Variants in TMPRSS15 observed in about 807,000 individuals in gnomAD.
TMPRSS15 encodes transmembrane serine protease 15, also known as enteropeptidase.
A neutral mutation model predicts 125.3 loss-of-function variants in TMPRSS15; 128 were observed. The observed-to-expected ratio is 1.02, with a 90% CI of 0.89 to 1.18. The LOEUF (loss-of-function observed/expected upper bound fraction) is 1.18. Ranked by LOEUF, TMPRSS15 falls within the 50% of genes most tolerant of loss-of-function variation. The pLI, the probability that TMPRSS15 is intolerant of heterozygous loss-of-function variation, is 0.00. For synonymous variants in TMPRSS15, 446 were observed against 423.2 expected (o/e 1.05, Z -0.66); for missense variants, 1,283 against 1,212.7 (o/e 1.06, Z -0.86).
intron 3 of TMPRSS15, among the ~76,000 whole-genome samples, chr21:18,393,460 G>C (rs554218996): frequency 6.6e-6 from 1 of 152,228 alleles, no homozygotes; most frequent in South Asian, 2.1e-4. Context: ...CATTACATGA[G>C]AAAATTAAAT....
chr21:18,281,215 GT>G lies in TMPRSS15; in HGVS notation c.2492del (p.Asn831ThrfsTer2). 1.9e-6 allele frequency: 3 copies of G among 1,613,874 alleles called. No individual in the cohort carries two copies. In the South Asian group the frequency reaches 3.3e-5, roughly 18 times the overall value. On this transcript the variant is annotated frameshift_variant, in exon 22 of 25. Coordinates refer to ENST00000284885, the MANE Select transcript of TMPRSS15 (RefSeq NM_002772.3). LOFTEE classifies it high-confidence loss of function. ...VSAAHCVYGR[N>X]LEPSKWTAIL... is the part of the protein sequence containing the mutation. ...TTGCTGTCCACTTGGATGGCTCTAA[GT>G]TTCTCCTGAAAATTGTAATGAAGAA...
chr21:18,380,172 C>CAA (rs906244838), intron 4 of TMPRSS15, among the ~76,000 whole-genome samples: 10 of 146,642 alleles, frequency 6.8e-5, no homozygotes, highest in Admixed American at 2.1e-4. Context: ...AGATGTCACA[C>CAA]ACACACACAC....
intron 18 of TMPRSS15, among the ~76,000 whole-genome samples, chr21:18,309,286 C>A (rs1266729818): frequency 6.6e-6 from 1 of 152,070 alleles, no homozygotes; most frequent in Non-Finnish European, 1.5e-5. Context: ...AAACGTAAGA[C>A]CTAAAACCAC....
At chr21:18,451,094 C>T (rs866839271) in intron 1 of TMPRSS15, among the ~76,000 whole-genome samples, 4 of 152,042 alleles carry the variant, frequency 2.6e-5, no homozygotes, top group Admixed American at 6.6e-5. Flanking sequence ...TACACTGAAT[C>T]CTCCTTTTTT....
chr21:18,447,439 CAAAAAA>C lies in TMPRSS15; in HGVS notation c.10+38354_10+38359del, dbSNP rs57558994. 9.8e-3 allele frequency among the ~76,000 whole-genome samples: 861 copies of C among 88,118 alleles called. 7 individuals are homozygous for C. The highest frequency in any genetic ancestry group is 0.012 in the Non-Finnish European group (590 of 47,728). The allele number at this position is 88,118 out of a possible 152,430, so 57.8% of individuals were successfully genotyped here. A position where few individuals can be genotyped will look rare whatever the true frequency, so the allele number is the denominator to read the frequency against. On this transcript the variant is annotated intron_variant, in intron 1 of 7. Transcript: ENST00000422787. ...TGGGCGACAGAGTAAGACTTCAACTCAAAAAAAAAAAAAAAAAAAGACATACAAATG... is the reference window on the plus strand; with the variant it reads ...TGGGCGACAGAGTAAGACTTCAACTCAAAAAAAAAAAAAGACATACAAATG...
At position 18,449,877 on chromosome 21, in the gene TMPRSS15, G is replaced by GCACA. The variant is rs3082204; in HGVS notation, c.10+35918_10+35921dup. Among the ~76,000 whole-genome samples, 989 of 147,608 alleles carry GCACA rather than the reference G, an allele frequency of 6.7e-3. 5 individuals carry two copies. Among genetic ancestry groups the GCACA allele is most frequent in the Non-Finnish European group, 9.1e-3 (608 of 66,526 alleles). On this transcript the variant is annotated intron_variant, in intron 1 of 7. Coordinates refer to the TMPRSS15 transcript ENST00000422787. ...CCCTCAAACACACACACACACACAC[G>GCACA]CACACACACACACACACACACACCT...
At chr21:18,405,962 C>G (rs1601451245), upstream of TMPRSS15, among the ~76,000 whole-genome samples, 2 of 152,192 alleles carry the variant, frequency 1.3e-5, no homozygotes, top group Middle Eastern at 6.8e-3. Context: ...CCCTAAGCCA[C>G]AGACTTGTGT....
chr21:18,409,293 G>A (rs1375048845), intron 1 of TMPRSS15, among the ~76,000 whole-genome samples: 1 of 152,098 alleles, frequency 6.6e-6, no homozygotes, highest in East Asian at 1.9e-4. Context: ...TCAAAAGAGA[G>A]TAAATTGGCA....
intron 1 of TMPRSS15, among the ~76,000 whole-genome samples, chr21:18,463,930 T>G (rs961497565): frequency 6.6e-6 from 1 of 151,976 alleles, no homozygotes; most frequent in African/African-American, 2.4e-5. Context: ...ATCCCAGCAC[T>G]TGGGGAAGCC....
intron 6 of TMPRSS15, among the ~76,000 whole-genome samples, chr21:18,371,035 C>T (rs1185385133): frequency 1.3e-5 from 2 of 151,996 alleles, no homozygotes; most frequent in African/African-American, 4.8e-5. Flanking sequence ...TTAAATAAAA[C>T]AAAATATCAG....
chr21:18,349,702 C>T (rs2075544465), intron 10 of TMPRSS15, among the ~76,000 whole-genome samples: 1 of 152,288 alleles, frequency 6.6e-6, no homozygotes, highest in East Asian at 1.9e-4. Context: ...ATCCTATCAT[C>T]TGTCCTCATT....
At position 18,297,722 on chromosome 21, in the gene TMPRSS15, T is replaced by G. The variant is rs947859393; in HGVS notation, c.2261+12A>C. 6.2e-7 allele frequency: 1 copy of G among 1,605,264 alleles called. No individual in the cohort carries two copies. Among genetic ancestry groups the G allele is most frequent in the Non-Finnish European group, 8.5e-7 (1 of 1,172,038 alleles). ...ATGTACAACTAGTCTAAGAACAGAT[T>G]TAGGGACCCACCTGGGTGTTAGTAT... On this transcript the variant is annotated intron_variant, in intron 19 of 24. Transcript: ENST00000284885.
At chr21:18,363,820 T>A (rs2075700177) in intron 7 of TMPRSS15, among the ~76,000 whole-genome samples, 1 of 152,150 alleles carries the variant, frequency 6.6e-6, no homozygotes, top group Non-Finnish European at 1.5e-5. Context: ...AATTTTTCAA[T>A]TGGCAAGAAT....
chr21:18,401,336 C>A (rs1601443552), intron 1 of TMPRSS15, among the ~76,000 whole-genome samples: 2 of 152,058 alleles, frequency 1.3e-5, no homozygotes, highest in East Asian at 3.9e-4. Flanking sequence ...ACCTAGGTGC[C>A]CATCAACGGT....
At chr21:18,464,755 G>A (rs2122954878) in intron 1 of TMPRSS15, among the ~76,000 whole-genome samples, 29 of 152,280 alleles carry the variant, frequency 1.9e-4, no homozygotes, top group African/African-American at 6.5e-4. Flanking sequence ...TTCTGAAATT[G>A]AGGCAGTAAT....
chr21:18,314,006 C>G (rs1310710450), intron 17 of TMPRSS15, among the ~76,000 whole-genome samples: 1 of 152,076 alleles, frequency 6.6e-6, no homozygotes, highest in Admixed American at 6.6e-5. Context: ...CCATTAGTGG[C>G]CAGGTAGGGA....
intron 13 of TMPRSS15, among the ~76,000 whole-genome samples, chr21:18,332,693 CAA>C (rs968685991): frequency 1.3e-5 from 2 of 152,126 alleles, no homozygotes; most frequent in African/African-American, 4.8e-5. Flanking sequence ...GGTAATTTCT[CAA>C]AGACCTAAAG....
chr21:18,294,628 C>G lies in TMPRSS15; in HGVS notation c.2286G>C (p.Leu762Phe). The G allele has an allele frequency of 6.2e-7, 1 of 1,610,874 alleles. No individual in the cohort carries two copies. The highest frequency in any genetic ancestry group is 1.1e-5 in the South Asian group (1 of 90,994). ...ATTTATGGTTACACTGTAACCGAAT[C>G]AAGGAATCCTGTAAACACTGTTGAC... ...TPSQQCLQDS[L>F]IRLQCNHKSC... Residue 762 changes from leucine to phenylalanine, a missense_variant, in exon 20 of 25, where the codon TTG becomes TTC. By Grantham distance (22) the Leu-to-Phe change is conservative (BLOSUM62 0). Coordinates refer to ENST00000284885, the MANE Select transcript of TMPRSS15 (RefSeq NM_002772.3).
At chr21:18,280,575 CA>C (rs1230513414) in intron 22 of TMPRSS15, among the ~76,000 whole-genome samples, 1,498 of 48,370 alleles carry the variant, frequency 0.031, 19 homozygotes, top group African/African-American at 0.1. Context: ...GACTCCGTCT[CA>C]AAAAAAAAAA....
Sources: gnomAD v4.1 joint callset for allele counts (sites outside exome capture counted in the v4.1 genomes callset) on GRCh38, gnomAD v4.1.1 for gene constraint, MANE v1.5 for transcripts, NCBI Gene and HGNC (gene_info 2026-07-23, HGNC 2026-07-21) for gene names.